The following SLC13A1 variants were observed in gnomAD, a reference collection of about 807,000 sequenced individuals.
SLC13A1 encodes solute carrier family 13 member 1.
In SLC13A1, 65 loss-of-function variants were observed where a neutral mutation model predicts 70.0. The ratio of observed to expected loss-of-function variants is 0.93; its 90% confidence interval spans 0.76 to 1.14. The LOEUF is 1.14. Ranked by LOEUF, SLC13A1 falls within the 50% of genes most tolerant of loss-of-function variation. The pLI is 0.00. For synonymous variants in SLC13A1, 275 were observed against 250.5 expected (o/e 1.10, Z -0.92); for missense variants, 726 against 717.8 (o/e 1.01, Z -0.13).
At chr7:123,183,882 C>T (rs541134924) in intron 1 of SLC13A1, among the ~76,000 whole-genome samples, 10 of 152,140 alleles carry the variant, frequency 6.6e-5, no homozygotes, top group Non-Finnish European at 1.2e-4. Flanking sequence ...ACTTGTCTAC[C>T]TTTTGATTTG....
intron 1 of SLC13A1, among the ~76,000 whole-genome samples, chr7:123,189,859 G>A (rs1795939877): frequency 6.6e-6 from 1 of 151,844 alleles, no homozygotes; most frequent in Admixed American, 6.6e-5. Flanking sequence ...CATTCCTGAT[G>A]TGCCTAAATA....
chr7:123,135,219 A>G (rs1369831316), intron 7 of SLC13A1, among the ~76,000 whole-genome samples: 1 of 152,210 alleles, frequency 6.6e-6, no homozygotes, highest in Non-Finnish European at 1.5e-5. Context: ...TTTTTATCTT[A>G]CCTACTTATT....
chr7:123,199,814 G>T (rs1399372990), intron 1 of SLC13A1, 34 bp downstream of exon 1: 1 of 1,476,072 alleles, frequency 6.8e-7, no homozygotes, highest in East Asian at 2.3e-5. Context: ...AATAAGTCAG[G>T]AAATCCACCA....
At chr7:123,163,123 ATTTTCGG>A (rs1794966585) in intron 6 of SLC13A1, among the ~76,000 whole-genome samples, 2 of 151,964 alleles carry the variant, frequency 1.3e-5, no homozygotes, top group African/African-American at 4.8e-5. Flanking sequence ...CTACAAATGG[ATTTTCGG>A]ATACCTAGAA....
chr7:123,197,495 C>T (rs1158502402), intron 1 of SLC13A1, among the ~76,000 whole-genome samples: 1 of 151,936 alleles, frequency 6.6e-6, no homozygotes, highest in Non-Finnish European at 1.5e-5. Context: ...CTCCAAAGGC[C>T]TACATTCTTT....
At chr7:123,170,175 CA>C (rs1242555637) in intron 3 of SLC13A1, among the ~76,000 whole-genome samples, 1 of 152,024 alleles carries the variant, frequency 6.6e-6, no homozygotes, top group African/African-American at 2.4e-5. Flanking sequence ...CTATATAGAG[CA>C]ATTTATGAAA....
At chr7:123,129,946 G>A (rs1309751407) in intron 8 of SLC13A1, among the ~76,000 whole-genome samples, 1 of 152,148 alleles carries the variant, frequency 6.6e-6, no homozygotes, top group African/African-American at 2.4e-5. Flanking sequence ...ACAGTGAGGT[G>A]GTCATAGATG....
chr7:123,129,538 A>G (rs1793684483), intron 8 of SLC13A1, 57 bp from the exon 9 acceptor site: 1 of 1,311,826 alleles, frequency 7.6e-7, no homozygotes, highest in Non-Finnish European at 1.1e-6. Context: ...ACCTCCCTGT[A>G]AGGAAGATAT....
chr7:123,153,805 C>T (rs1017023900), intron 6 of SLC13A1, among the ~76,000 whole-genome samples: 2 of 151,858 alleles, frequency 1.3e-5, no homozygotes, highest in Non-Finnish European at 2.9e-5. Context: ...GTGAAAAGTA[C>T]AAAATGATGT....
At chr7:123,184,864 T>C (rs1795750297) in intron 1 of SLC13A1, among the ~76,000 whole-genome samples, 1 of 152,014 alleles carries the variant, frequency 6.6e-6, no homozygotes, top group African/African-American at 2.4e-5. Context: ...GATCATACAG[T>C]AGTTCTATTT....
chr7:123,143,368 T>C (rs1794227895), intron 7 of SLC13A1, among the ~76,000 whole-genome samples: 3 of 152,152 alleles, frequency 2.0e-5, no homozygotes, highest in Admixed American at 2.0e-4. Context: ...CAGAACACTT[T>C]AGCCCGCAGT....
intron 1 of SLC13A1, 52 bp downstream of exon 1, chr7:123,199,796 G>A: frequency 7.5e-7 from 1 of 1,335,934 alleles, no homozygotes; most frequent in Non-Finnish European, 1.1e-6. Context: ...TTTAATAAAG[G>A]ACAATTAAAT....
chr7:123,142,933 G>A (rs960239204), intron 7 of SLC13A1, among the ~76,000 whole-genome samples: 4 of 151,950 alleles, frequency 2.6e-5, no homozygotes, highest in Non-Finnish European at 4.4e-5. Context: ...GAGCTCTTTA[G>A]TTAGCAGGTG....
intron 2 of SLC13A1, among the ~76,000 whole-genome samples, chr7:123,175,120 T>C (rs1795405555): frequency 6.6e-6 from 1 of 152,006 alleles, no homozygotes; most frequent in South Asian, 2.1e-4. Flanking sequence ...TGGCACAAAC[T>C]GGCACTCAAT....
chr7:123,159,012 T>C (rs1416619589), intron 6 of SLC13A1, among the ~76,000 whole-genome samples: 2 of 152,006 alleles, frequency 1.3e-5, no homozygotes, highest in Admixed American at 6.6e-5. Flanking sequence ...TTAATAAATA[T>C]GAACATAACT....
chr7:123,146,161 C>A (rs1794342881), intron 7 of SLC13A1, among the ~76,000 whole-genome samples: 1 of 152,150 alleles, frequency 6.6e-6, no homozygotes, highest in African/African-American at 2.4e-5. Context: ...CACAATAACC[C>A]TATCAACTGT....
chr7:123,135,085 C>T (rs957546994), intron 7 of SLC13A1, among the ~76,000 whole-genome samples: 5 of 152,188 alleles, frequency 3.3e-5, no homozygotes, highest in Non-Finnish European at 5.9e-5. Context: ...CAGCAACCAT[C>T]GAACCAGGTA....
intron 4 of SLC13A1, 136 bp from the exon 5 acceptor site, chr7:123,168,697 T>C: frequency 1.6e-6 from 1 of 627,902 alleles, no homozygotes; most frequent in Non-Finnish European, 2.7e-6. Context: ...ATAACAGTCA[T>C]CTTATTTTAT....
Position 123,168,371 on chromosome 7 carries a change from T to C in SLC13A1, c.660+3A>G, listed in dbSNP as rs1397062550. 1.8e-5 allele frequency: 28 copies of C among 1,556,602 alleles called. No homozygotes were observed. Among genetic ancestry groups the C allele is most frequent in the Non-Finnish European group, 2.5e-5 (28 of 1,134,486 alleles). On this transcript the variant is annotated splice_donor_region_variant and intron_variant, in intron 6 of 14. Transcript: ENST00000194130. ...TTATTTAGAAAGAATCAAATTTATG[T>C]ACCTTTTCCAACTCCACCTTGCTTG...
Sources: allele counts gnomAD v4.1 joint callset (sites outside exome capture counted in the v4.1 genomes callset), GRCh38; gene constraint gnomAD v4.1.1; transcripts MANE v1.5; gene names NCBI Gene and HGNC (gene_info 2026-07-23, HGNC 2026-07-21).